The following STOX2 variants were observed in gnomAD, a reference collection of about 807,000 sequenced individuals.
The protein encoded by STOX2 is storkhead box 2, also known as storkhead-box protein 2.
A neutral mutation model predicts 60.9 loss-of-function variants in STOX2; 28 were observed. The ratio of observed to expected loss-of-function variants is 0.46; its 90% confidence interval spans 0.34 to 0.63. STOX2 has a LOEUF of 0.63. Among genes scored for constraint, STOX2 ranks in the 30% least tolerant of loss-of-function variants. The probability of loss-of-function intolerance (pLI) is 0.01; values close to 1 mark genes in which losing one functional copy is unlikely to be tolerated. For missense variants in STOX2, 1,024 were observed against 1,187.7 expected (o/e 0.86, Z 2.03); for synonymous variants, 472 against 463.9 (o/e 1.02, Z -0.22).
chr4:183,914,021 G>A (rs1368250821), intron 1 of STOX2, among the ~76,000 whole-genome samples: 1 of 152,072 alleles, frequency 6.6e-6, no homozygotes, highest in Non-Finnish European at 1.5e-5. Context: ...CTAGTAAAAT[G>A]GACATTTAAT....
intron 1 of STOX2, among the ~76,000 whole-genome samples, chr4:183,921,001 C>G (rs992688481): frequency 2.6e-5 from 4 of 152,204 alleles, no homozygotes; most frequent in Admixed American, 2.6e-4. Context: ...TTTGCTTACT[C>G]ATTTTCTCTT....
Position 184,009,430 on chromosome 4 carries a change from T to G in STOX2, c.592T>G (p.Ser198Ala). Residue 198 changes from serine (S) to alanine (A), a missense_variant, in exon 3 of 4, where the codon TCT becomes GCT. Physicochemically the swap from Ser to Ala is moderately conservative, Grantham distance 99. Transcript: ENST00000308497. This position sits in a 1 kb window ranked among gnomAD's most constrained non-coding sequence, Gnocchi z 4.0. ...GACATTGCCCCGAAACCACTGCGAC[T>G]CTTGCCACTGCTGCAGAGAAGACGT... is the stretch of plus-strand genomic sequence containing the variant. The part of the protein sequence containing the change: ...ERTLPRNHCD[S>A]CHCCREDVHS... 1 of 1,614,010 alleles carries G rather than the reference T, an allele frequency of 6.2e-7. No homozygotes were observed. Among genetic ancestry groups the G allele is most frequent in the Middle Eastern group, 1.6e-4 (1 of 6,062 alleles).
At chr4:183,951,162 C>A (rs1261899315) in intron 1 of STOX2, among the ~76,000 whole-genome samples, 1 of 150,618 alleles carries the variant, frequency 6.6e-6, no homozygotes, top group African/African-American at 2.4e-5. Flanking sequence ...TTGCAGTGAG[C>A]CGAGATCGCG....
Position 184,009,590 on chromosome 4 carries a change from A to G in STOX2, c.752A>G (p.Glu251Gly), listed in dbSNP as rs1454363790. The G allele has an allele frequency of 6.2e-7, 1 of 1,614,002 alleles. No homozygotes were observed. Among genetic ancestry groups the G allele is most frequent in the Non-Finnish European group, 8.5e-7 (1 of 1,179,872 alleles). Reference protein sequence around the residue: ...KSTVNFSYKTETLSKPKDSEK... With the variant: ...KSTVNFSYKTGTLSKPKDSEK... ...ACTGTAAATTTTTCCTATAAGACAG[A>G]AACTCTCTCAAAACCTAAAGATAGT... The change falls in exon 3 of 4, where the codon GAA becomes GGA. Residue 251 changes from glutamate to glycine, a missense_variant. This residue lies in a region of STOX2 where 922 missense variants were observed against 1,058.3 expected (regional missense o/e 0.87). Transcript: ENST00000308497. This position sits in a 1 kb window ranked among gnomAD's most constrained non-coding sequence, Gnocchi z 4.0.
In STOX2 at chr4:183,990,578, A is replaced by ATTTT. The variant is rs57369052; in HGVS notation, c.167-10713_167-10710dup. On this transcript the variant is annotated intron_variant, in intron 1 of 3. Transcript: ENST00000308497. Reference sequence around the variant, plus strand: ...GAAGAGGGGCAGTTTAAAAAGCAGGATTTTTTTTTTTTTTTTTTTTTTTTT... The same window carrying ATTTT: ...GAAGAGGGGCAGTTTAAAAAGCAGGATTTTTTTTTTTTTTTTTTTTTTTTTTTTT... Among the ~76,000 whole-genome samples, 526 of 82,410 alleles carry ATTTT rather than the reference A, an allele frequency of 6.4e-3. 63 individuals carry two copies. The highest frequency in any genetic ancestry group is 0.012 in the East Asian group (29 of 2,392). 54.1% of individuals were successfully genotyped at this position (82,410 alleles called of 152,430 possible).
At chr4:183,862,875 T>TACC (rs1296908815) in intron 1 of STOX2, among the ~76,000 whole-genome samples, 4 of 152,124 alleles carry the variant, frequency 2.6e-5, no homozygotes, top group Admixed American at 6.5e-5. Flanking sequence ...GGACCGTCAC[T>TACC]ACCACCTCGT....
intron 1 of STOX2, among the ~76,000 whole-genome samples, chr4:183,802,329 G>T (rs1462110458): frequency 7.9e-5 from 12 of 152,328 alleles, no homozygotes; most frequent in Admixed American, 1.3e-4. Flanking sequence ...CTCAAAAAGA[G>T]TTGCTTTCTT....
intron 3 of STOX2, 138 bp from the exon 4 acceptor site, chr4:184,016,951 G>A (rs1734398392): frequency 1.5e-6 from 1 of 686,798 alleles, no homozygotes; most frequent in African/African-American, 1.8e-5. Flanking sequence ...TGAATAATCA[G>A]TCGAGATGTA....
chr4:183,976,519 C>T (rs1277556910), intron 1 of STOX2, among the ~76,000 whole-genome samples: 1 of 149,834 alleles, frequency 6.7e-6, no homozygotes, highest in South Asian at 2.1e-4. Context: ...CAAAAATCTG[C>T]AGCTATGATA....
At chr4:183,917,445 C>T (rs1221546075) in intron 1 of STOX2, among the ~76,000 whole-genome samples, 1 of 152,232 alleles carries the variant, frequency 6.6e-6, no homozygotes, top group African/African-American at 2.4e-5. Context: ...CACCAAACGT[C>T]TAAGATAAAA....
At chr4:183,987,335 T>A (rs1363077797) in intron 1 of STOX2, among the ~76,000 whole-genome samples, 1 of 151,716 alleles carries the variant, frequency 6.6e-6, no homozygotes, top group African/African-American at 2.4e-5. Context: ...TGGCATAAAT[T>A]CCTCTGTGTG....
intron 1 of STOX2, among the ~76,000 whole-genome samples, chr4:183,998,485 C>G (rs1733443170): frequency 6.6e-6 from 1 of 152,150 alleles, no homozygotes; most frequent in Non-Finnish European, 1.5e-5. Context: ...GTGAACTTCC[C>G]AACTCCCACC....
intron 1 of STOX2, among the ~76,000 whole-genome samples, chr4:183,816,762 A>G (rs1317351972): frequency 2.0e-5 from 3 of 152,262 alleles, no homozygotes; most frequent in African/African-American, 7.2e-5. Context: ...ATCGAAATCC[A>G]CAAAAGCTGT....
intron 1 of STOX2, among the ~76,000 whole-genome samples, chr4:183,959,011 G>GA (rs1333921064): frequency 1.3e-5 from 2 of 151,930 alleles, no homozygotes; most frequent in South Asian, 2.1e-4. Context: ...ATTTCAGACT[G>GA]AAAAAAATTA....
intron 1 of STOX2, among the ~76,000 whole-genome samples, chr4:183,883,362 C>T (rs545691889): frequency 6.6e-6 from 1 of 151,802 alleles, no homozygotes; most frequent in South Asian, 2.1e-4. Context: ...CTCTGTCGCC[C>T]AGGCTGGAGT....
chr4:183,913,476 G>T (rs2111090484), intron 1 of STOX2, among the ~76,000 whole-genome samples: 1 of 152,162 alleles, frequency 6.6e-6, no homozygotes, highest in East Asian at 1.9e-4. Context: ...GACGGCCATA[G>T]AACAGTGTGT....
In STOX2 at chr4:183,865,216, T is replaced by C. The variant is rs1007567865; in HGVS notation, c.364+67161T>C. Reference sequence around the variant, plus strand: ...CCATGTGTTTAATCCTTGTTAGGCTTTGTACACAGCACAAACTCCATTGAA... The same window carrying C: ...CCATGTGTTTAATCCTTGTTAGGCTCTGTACACAGCACAAACTCCATTGAA... On this transcript the variant is annotated intron_variant, in intron 1 of 2. Transcript: ENST00000513034. The surrounding 1 kb of genome is among the most constrained non-coding windows in gnomAD (Gnocchi z 4.1). Among the ~76,000 whole-genome samples the C allele has an allele frequency of 2.0e-5, 3 of 152,260 alleles. No individual in the cohort carries two copies. Among genetic ancestry groups the C allele is most frequent in the Non-Finnish European group, 4.4e-5 (3 of 68,040 alleles).
At chr4:183,822,838 T>A (rs1473885201) in intron 1 of STOX2, among the ~76,000 whole-genome samples, 1 of 152,200 alleles carries the variant, frequency 6.6e-6, no homozygotes, top group East Asian at 1.9e-4. Flanking sequence ...GAGGCTCTTC[T>A]TATCTCTATT....
chr4:183,818,743 C>G (rs1739219688), intron 1 of STOX2, among the ~76,000 whole-genome samples: 1 of 151,024 alleles, frequency 6.6e-6, no homozygotes, highest in South Asian at 2.1e-4. Context: ...CACCTCCCTC[C>G]TGGACAGGGC....
Sources: gnomAD v4.1 joint callset for allele counts (sites outside exome capture counted in the v4.1 genomes callset) on GRCh38, gnomAD v4.1.1 for gene constraint, gnomAD v4.1.1 regional missense constraint, Gnocchi (gnomAD v3.1) non-coding constraint, MANE v1.5 for transcripts, NCBI Gene and HGNC (gene_info 2026-07-23, HGNC 2026-07-21) for gene names.